The following BTBD9 variants were observed in gnomAD, a reference collection of about 807,000 sequenced individuals.
The protein encoded by BTBD9 is BTB/POZ domain-containing protein 9.
A neutral mutation model predicts 64.3 loss-of-function variants in BTBD9; 49 were observed. The ratio of observed to expected loss-of-function variants is 0.76; its 90% CI spans 0.61 to 0.97. The LOEUF is 0.97. BTBD9 is among the 50% of genes least tolerant of loss of function. The pLI is 0.00. For synonymous variants in BTBD9, 260 were observed against 274.7 expected (o/e 0.95, Z 0.53); for missense variants, 598 against 762.1 (o/e 0.78, Z 2.53).
At chr6:38,322,521 A>G (rs1254926757) in intron 7 of BTBD9, among the ~76,000 whole-genome samples, 4 of 152,206 alleles carry the variant, frequency 2.6e-5, no homozygotes, top group Non-Finnish European at 5.9e-5. Flanking sequence ...GATCACATTC[A>G]TTTATATCAA....
At chr6:38,287,105 A>AAT (rs1554135408) in intron 8 of BTBD9, among the ~76,000 whole-genome samples, 132 of 100,256 alleles carry the variant, frequency 1.3e-3, no homozygotes, top group African/African-American at 5.1e-3. Flanking sequence ...AAAAAAAAAA[A>AAT]ATATACACAC....
chr6:38,439,377 C>T (rs1217897550), intron 6 of BTBD9, among the ~76,000 whole-genome samples: 1 of 151,904 alleles, frequency 6.6e-6, no homozygotes, highest in African/African-American at 2.4e-5. Context: ...ATCTGCCTAC[C>T]TCGGCCTCCC....
intron 9 of BTBD9, among the ~76,000 whole-genome samples, chr6:38,236,794 T>G (rs1763793538): frequency 1.3e-5 from 2 of 152,196 alleles, no homozygotes; most frequent in African/African-American, 4.8e-5. Context: ...CAGAGTGGAT[T>G]CAGTTCCGCA....
intron 7 of BTBD9, among the ~76,000 whole-genome samples, chr6:38,321,316 GGA>G (rs1261111113): frequency 1.3e-5 from 2 of 152,164 alleles, no homozygotes; most frequent in African/African-American, 4.8e-5. Context: ...GGGAGAAGAG[GGA>G]GAGAGGAGAG....
chr6:38,538,042 TAA>T, intron 6 of BTBD9, among the ~76,000 whole-genome samples: 1 of 152,350 alleles, frequency 6.6e-6, no homozygotes, highest in South Asian at 2.1e-4. Flanking sequence ...TCTACTTTTA[TAA>T]AAGTCATTGG....
intron 6 of BTBD9, among the ~76,000 whole-genome samples, chr6:38,516,063 G>T (rs116469129): frequency 1.2e-3 from 182 of 152,218 alleles, no homozygotes; most frequent in African/African-American, 4.0e-3. Flanking sequence ...CACAATTCTT[G>T]AATTTTTATT....
intron 1 of BTBD9, among the ~76,000 whole-genome samples, chr6:38,600,205 C>T (rs1777194226): frequency 6.6e-6 from 1 of 152,162 alleles, no homozygotes; most frequent in Admixed American, 6.5e-5. Flanking sequence ...GCAGGTTATA[C>T]AATCTACGTC....
intron 7 of BTBD9, among the ~76,000 whole-genome samples, chr6:38,303,833 GTTGCTAGATATATATATATATATATATA>G (rs1189880244): frequency 4.0e-5 from 2 of 49,974 alleles, no homozygotes; most frequent in African/African-American, 1.0e-4. Context: ...AGCAACTTTA[GTTGCTAGATATATATATATATATATATA>G]TATATATATA....
rs145604086 is a variant in BTBD9, at chr6:38,241,366, C to T, written c.1562+15043G>A. Among the ~76,000 whole-genome samples the T allele has an allele frequency of 3.9e-3, 588 of 152,282 alleles. 2 individuals carry two copies. The highest frequency in any genetic ancestry group is 6.0e-3 in the Non-Finnish European group (410 of 68,022). ...AGTCTTCCTCATCTGAGGAAAACCA[C>T]GAACTCTCTGGGACAAATTTAATGT... is the stretch of plus-strand genomic sequence containing the variant. On this transcript the variant is annotated intron_variant, in intron 9 of 10. Coordinates refer to ENST00000481247, the MANE Select transcript of BTBD9 (RefSeq NM_001099272.2).
chr6:38,445,607 T>G (rs558578996), intron 6 of BTBD9, among the ~76,000 whole-genome samples: 1 of 152,340 alleles, frequency 6.6e-6, no homozygotes, highest in South Asian at 2.1e-4. Flanking sequence ...ATGAAACACA[T>G]TCCTAAAATA....
intron 6 of BTBD9, among the ~76,000 whole-genome samples, chr6:38,477,538 C>A (rs1770941521): frequency 6.6e-6 from 1 of 152,162 alleles, no homozygotes; most frequent in South Asian, 2.1e-4. Context: ...GCTTCTAATC[C>A]TGTGCTTTGT....
chr6:38,330,040 C>CT (rs1166298445), intron 7 of BTBD9, among the ~76,000 whole-genome samples: 10 of 147,518 alleles, frequency 6.8e-5, no homozygotes, highest in Admixed American at 2.7e-4. Context: ...TACATGTTTC[C>CT]TTTTTTTCTT....
intron 7 of BTBD9, among the ~76,000 whole-genome samples, chr6:38,294,658 G>T (rs189788598): frequency 2.0e-4 from 30 of 152,112 alleles, no homozygotes; most frequent in Non-Finnish European, 4.0e-4. Flanking sequence ...GTCAGGGGGT[G>T]GGGATCTAGG....
At chr6:38,293,390 G>A (rs1197916876) in intron 7 of BTBD9, among the ~76,000 whole-genome samples, 1 of 152,136 alleles carries the variant, frequency 6.6e-6, no homozygotes, top group Non-Finnish European at 1.5e-5. Flanking sequence ...AACAAAGCTG[G>A]AGGCATTATC....
chr6:38,389,497 G>A (rs1166713422), intron 6 of BTBD9, among the ~76,000 whole-genome samples: 2 of 152,198 alleles, frequency 1.3e-5, no homozygotes, highest in South Asian at 2.1e-4. Flanking sequence ...GCTGGATGGC[G>A]TTGGGTGTTC....
chr6:38,271,884 T>G (rs549588393), intron 8 of BTBD9, among the ~76,000 whole-genome samples: 5 of 152,108 alleles, frequency 3.3e-5, no homozygotes, highest in Admixed American at 3.3e-4. Context: ...ATCTCATTTT[T>G]GTTACTGTGA....
At position 38,448,813 on chromosome 6, in the gene BTBD9, C is replaced by T. The variant is rs568097549; in HGVS notation, c.1155-103720G>A. On this transcript the variant is annotated intron_variant, in intron 6 of 10. Transcript: ENST00000481247. The stretch of plus-strand genomic sequence containing the variant: ...GATTACAGGCATGAGCCACCGCACC[C>T]GGCCCCTTGCTGGCATATAATCTCT... Among the ~76,000 whole-genome samples the T allele has an allele frequency of 2.0e-3, 312 of 152,208 alleles. 1 individual carries two copies. The highest frequency in any genetic ancestry group is 7.1e-3 in the African/African-American group (293 of 41,474).
At chr6:38,237,461 A>G (rs937084073) in intron 9 of BTBD9, among the ~76,000 whole-genome samples, 1 of 152,248 alleles carries the variant, frequency 6.6e-6, no homozygotes, top group Non-Finnish European at 1.5e-5. Flanking sequence ...CCAAAGTACC[A>G]GGAAGGCCAC....
At chr6:38,254,415 C>T (rs144986605) in intron 9 of BTBD9, among the ~76,000 whole-genome samples, 14 of 151,988 alleles carry the variant, frequency 9.2e-5, no homozygotes, top group African/African-American at 3.4e-4. Context: ...AAATCTTGGC[C>T]CAGCCTAGGC....
Sources: allele counts gnomAD v4.1 joint callset (sites outside exome capture counted in the v4.1 genomes callset), GRCh38; gene constraint gnomAD v4.1.1; transcripts MANE v1.5; gene names NCBI Gene and HGNC (gene_info 2026-07-23, HGNC 2026-07-21).